COMMD1: variants seen among roughly 807,000 people sequenced by gnomAD.
The protein encoded by COMMD1 is copper metabolism domain containing 1, also known as COMM domain-containing protein 1.
In COMMD1, 10 loss-of-function variants were observed where a neutral mutation model predicts 17.2. That is an observed-to-expected ratio of 0.58 (90% CI 0.36 to 0.99). The LOEUF is 0.99. Among genes scored for constraint, COMMD1 ranks in the 50% least tolerant of loss-of-function variants. The pLI, the probability that COMMD1 is intolerant of heterozygous loss-of-function variation, is 0.01. For missense variants in COMMD1, 270 were observed against 231.8 expected (o/e 1.17, Z -1.07); for synonymous variants, 97 against 91.6 (o/e 1.06, Z -0.34).
chr2:61,891,471 C>G (rs1669428352), intron 1 of COMMD1, among the ~76,000 whole-genome samples: 1 of 152,154 alleles, frequency 6.6e-6, no homozygotes. Context: ...CGTGGTGGCT[C>G]ACACTTGTAA....
chr2:62,000,355 C>T (rs141007399), intron 1 of COMMD1, among the ~76,000 whole-genome samples: 249 of 150,820 alleles, frequency 1.7e-3, no homozygotes, highest in Non-Finnish European at 1.9e-3. Context: ...TCACTGCAGT[C>T]CCTGCCTCCC....
intron 2 of COMMD1, among the ~76,000 whole-genome samples, chr2:62,012,475 C>T (rs1268984363): frequency 6.6e-6 from 1 of 151,942 alleles, no homozygotes; most frequent in African/African-American, 2.4e-5. Context: ...TGCACCACCA[C>T]GCCCAGCTAA....
upstream of COMMD1, chr2:61,888,669 G>A: frequency 2.5e-6 from 2 of 791,690 alleles, no homozygotes; most frequent in Non-Finnish European, 3.8e-6. Context: ...GGCCTTCCTT[G>A]CCGCGCGGCG....
At chr2:62,081,017 GA>G (rs943145238) in intron 2 of COMMD1, among the ~76,000 whole-genome samples, 57 of 148,374 alleles carry the variant, frequency 3.8e-4, no homozygotes, top group Non-Finnish European at 6.6e-4. Context: ...CTACAAACCA[GA>G]AAAAAAAAAT....
At chr2:62,065,460 AC>A (rs1671011884) in intron 2 of COMMD1, among the ~76,000 whole-genome samples, 1 of 150,420 alleles carries the variant, frequency 6.6e-6, no homozygotes, top group African/African-American at 2.4e-5. Context: ...AGTGGCTGGA[AC>A]AACAGCCATG....
intron 2 of COMMD1, among the ~76,000 whole-genome samples, chr2:62,019,563 A>C (rs539204031): frequency 1.8e-4 from 27 of 152,194 alleles, no homozygotes; most frequent in Non-Finnish European, 2.1e-4. Flanking sequence ...CTACCTCCCA[A>C]CACTGCTGCA....
chr2:61,963,190 T>TATACACACACACACACACACACACAC (rs1280301014), intron 1 of COMMD1, among the ~76,000 whole-genome samples: 3 of 136,366 alleles, frequency 2.2e-5, no homozygotes, highest in Admixed American at 7.4e-5. Flanking sequence ...ATATATTATA[T>TATACACACACACACACACACACACAC]ACACACACAC....
At chr2:62,104,633 CAAA>C (rs35679940) in intron 2 of COMMD1, among the ~76,000 whole-genome samples, 53 of 76,750 alleles carry the variant, frequency 6.9e-4, no homozygotes, top group Non-Finnish European at 1.2e-3. Flanking sequence ...GACTCCGTCT[CAAA>C]AAAAAAAAAA....
At chr2:61,998,246 CTTTTTTTTT>C (rs71410912) in intron 1 of COMMD1, among the ~76,000 whole-genome samples, 1 of 126,484 alleles carries the variant, frequency 7.9e-6, no homozygotes, top group Admixed American at 8.1e-5. Flanking sequence ...GTTGTGCTTT[CTTTTTTTTT>C]TTTTTTTTTT....
chr2:61,937,946 G>A (rs1408734957), intron 1 of COMMD1, among the ~76,000 whole-genome samples: 1 of 152,046 alleles, frequency 6.6e-6, no homozygotes, highest in African/African-American at 2.4e-5. Flanking sequence ...TTCAAAACTC[G>A]CCCTTACACT....
chr2:62,058,959 T>C (rs1217340503), intron 2 of COMMD1, among the ~76,000 whole-genome samples: 3 of 151,804 alleles, frequency 2.0e-5, no homozygotes, highest in Non-Finnish European at 2.9e-5. Context: ...TTTGTATTTT[T>C]AGTAGAGACG....
chr2:62,056,097 G>T (rs1422146273), intron 2 of COMMD1, among the ~76,000 whole-genome samples: 1 of 152,214 alleles, frequency 6.6e-6, no homozygotes. Context: ...CAGAGTGGCT[G>T]CCATGACTGG....
chr2:61,954,606 TA>T (rs1671145060), intron 1 of COMMD1, among the ~76,000 whole-genome samples: 1 of 152,176 alleles, frequency 6.6e-6, no homozygotes, highest in Non-Finnish European at 1.5e-5. Context: ...TGCAACATTT[TA>T]TAAAACTGTA....
intron 1 of COMMD1, among the ~76,000 whole-genome samples, chr2:61,919,701 C>T (rs1042331741): frequency 1.3e-5 from 2 of 151,998 alleles, no homozygotes; most frequent in African/African-American, 4.8e-5. Context: ...CTTTTAAATG[C>T]CTTTATAACA....
intron 1 of COMMD1, among the ~76,000 whole-genome samples, chr2:61,899,960 C>A (rs528042708): frequency 1.8e-3 from 276 of 152,312 alleles, no homozygotes; most frequent in African/African-American, 5.6e-3. Flanking sequence ...GTGTGAGCCA[C>A]CGCGCCCAGC....
At chr2:61,962,148 G>C (rs980743379) in intron 1 of COMMD1, among the ~76,000 whole-genome samples, 1 of 152,188 alleles carries the variant, frequency 6.6e-6, no homozygotes, top group Non-Finnish European at 1.5e-5. Flanking sequence ...GTCATATGAT[G>C]CTGGGGTATA....
At chr2:62,076,475 A>G (rs1341296306) in intron 2 of COMMD1, among the ~76,000 whole-genome samples, 2 of 152,164 alleles carry the variant, frequency 1.3e-5, no homozygotes, top group Admixed American at 1.3e-4. Context: ...GGCCGTCTGC[A>G]GTGGCTTACG....
At chr2:61,952,219 AAC>A (rs1400587429) in intron 1 of COMMD1, among the ~76,000 whole-genome samples, 1 of 152,244 alleles carries the variant, frequency 6.6e-6, no homozygotes, top group Non-Finnish European at 1.5e-5. Context: ...CCTAAAACTT[AAC>A]CCCTTCCTTG....
intron 2 of COMMD1, among the ~76,000 whole-genome samples, chr2:62,036,253 C>A (rs749748072): frequency 6.6e-6 from 1 of 152,164 alleles, no homozygotes; most frequent in Non-Finnish European, 1.5e-5. Context: ...TGACAAGTTA[C>A]ATAATAATAC....
Sources: gnomAD v4.1 joint callset for allele counts (sites outside exome capture counted in the v4.1 genomes callset) on GRCh38, gnomAD v4.1.1 for gene constraint, MANE v1.5 for transcripts, NCBI Gene and HGNC (gene_info 2026-07-23, HGNC 2026-07-21) for gene names.